Variants in MAPRE2 observed in about 807,000 individuals in gnomAD.
MAPRE2 encodes the protein microtubule-associated protein RP/EB family member 2.
Under a neutral mutation model 43.2 loss-of-function variants are expected in MAPRE2, and 13 were observed. The observed-to-expected ratio is 0.30, with a 90% CI of 0.20 to 0.48. MAPRE2 has a LOEUF of 0.48. Ranked by LOEUF, MAPRE2 falls within the 20% of genes least tolerant of loss-of-function variation. The pLI, the probability that MAPRE2 is intolerant of heterozygous loss-of-function variation, is 0.99. For missense variants in MAPRE2, 161 were observed against 400.2 expected, an observed-to-expected ratio of 0.40 and a Z score of 5.10; for synonymous variants, 135 against 148.8, an observed-to-expected ratio of 0.91 and a Z score of 0.68.
At chr18:35,067,544 G>A (rs757615453) in intron 1 of MAPRE2, among the ~76,000 whole-genome samples, 8 of 152,100 alleles carry the variant, frequency 5.3e-5, no homozygotes, top group Non-Finnish European at 7.4e-5. Flanking sequence ...AGATCTGTTT[G>A]TGTCTTTTCT....
At chr18:35,106,525 A>G (rs948475048) in intron 4 of MAPRE2, among the ~76,000 whole-genome samples, 12 of 152,128 alleles carry the variant, frequency 7.9e-5, no homozygotes, top group Non-Finnish European at 1.5e-4. Context: ...CATTGTACAG[A>G]CTACTTATAT....
intron 1 of MAPRE2, among the ~76,000 whole-genome samples, chr18:35,005,204 G>GA (rs1445006335): frequency 1.3e-5 from 2 of 151,912 alleles, no homozygotes; most frequent in Non-Finnish European, 2.9e-5. Context: ...AAAAACAAAA[G>GA]AAAAAATATT....
intron 1 of MAPRE2, among the ~76,000 whole-genome samples, chr18:34,979,291 G>C (rs541753993): frequency 6.6e-6 from 1 of 152,308 alleles, no homozygotes; most frequent in South Asian, 2.1e-4. Context: ...CTCATGTGTA[G>C]CAGTCAGTAG....
At chr18:35,033,600 A>G (rs369454204) in intron 2 of MAPRE2, among the ~76,000 whole-genome samples, 1 of 151,542 alleles carries the variant, frequency 6.6e-6, no homozygotes, top group Non-Finnish European at 1.5e-5. Context: ...ACATGATTGT[A>G]TATCTAGAAA....
At chr18:35,061,486 A>C (rs1296354198) in intron 1 of MAPRE2, among the ~76,000 whole-genome samples, 10 of 152,180 alleles carry the variant, frequency 6.6e-5, no homozygotes, top group Non-Finnish European at 1.5e-5. Flanking sequence ...GCCCGGCCGC[A>C]GGGAGGGTCT....
intron 2 of MAPRE2, among the ~76,000 whole-genome samples, chr18:35,029,841 G>A (rs909664756): frequency 2.0e-5 from 3 of 152,206 alleles, no homozygotes; most frequent in African/African-American, 7.2e-5. Flanking sequence ...ATTGGACATA[G>A]ACACGTTTTA....
At chr18:34,987,800 G>A (rs1304005734) in intron 1 of MAPRE2, among the ~76,000 whole-genome samples, 1 of 151,836 alleles carries the variant, frequency 6.6e-6, no homozygotes, top group Non-Finnish European at 1.5e-5. Flanking sequence ...ATGCTGCCAT[G>A]CCCAGCTAAT....
At chr18:34,990,752 G>T (rs915529322) in intron 1 of MAPRE2, among the ~76,000 whole-genome samples, 6 of 152,182 alleles carry the variant, frequency 3.9e-5, no homozygotes, top group African/African-American at 1.4e-4. Context: ...TGGGCATGGT[G>T]ACTCATGCCT....
At chr18:35,116,727 G>A (rs1004064722) in intron 4 of MAPRE2, among the ~76,000 whole-genome samples, 12 of 152,174 alleles carry the variant, frequency 7.9e-5, no homozygotes, top group South Asian at 2.1e-4. Flanking sequence ...GTGTTTGTCA[G>A]CAAGACAGTC....
intron 1 of MAPRE2, among the ~76,000 whole-genome samples, chr18:34,981,864 ATT>A (rs1432961000): frequency 0.01 from 769 of 74,098 alleles, 12 homozygotes; most frequent in African/African-American, 0.024. Flanking sequence ...GACTTTATTT[ATT>A]TTTTTTTTTT....
chr18:35,063,102 TTTG>T (rs1197924864), intron 1 of MAPRE2, among the ~76,000 whole-genome samples: 15 of 151,946 alleles, frequency 9.9e-5, no homozygotes, highest in South Asian at 4.2e-4. Flanking sequence ...TTTCAGAACT[TTTG>T]TTGTTGTTTT....
At chr18:35,122,877 C>T (rs536216424) in intron 4 of MAPRE2, among the ~76,000 whole-genome samples, 2 of 152,328 alleles carry the variant, frequency 1.3e-5, no homozygotes, top group African/African-American at 2.4e-5. Context: ...TTGGTGAGTC[C>T]AAGCCACACA....
At chr18:34,994,787 C>A (rs186110691) in intron 1 of MAPRE2, among the ~76,000 whole-genome samples, 1 of 152,264 alleles carries the variant, frequency 6.6e-6, no homozygotes, top group Non-Finnish European at 1.5e-5. Context: ...CTTTAAGGAG[C>A]TGTACTTTAC....
chr18:35,130,533 A>G (rs572879934), intron 5 of MAPRE2, among the ~76,000 whole-genome samples: 2 of 152,226 alleles, frequency 1.3e-5, no homozygotes, highest in South Asian at 2.1e-4. Context: ...GTAATTCCAG[A>G]TGGATAAAGC....
intron 4 of MAPRE2, among the ~76,000 whole-genome samples, chr18:35,122,832 G>A (rs1431528433): frequency 1.3e-5 from 2 of 152,252 alleles, no homozygotes; most frequent in African/African-American, 4.8e-5. Context: ...GAGCACAGAT[G>A]CCATTTTAGG....
intron 1 of MAPRE2, among the ~76,000 whole-genome samples, chr18:35,059,384 T>C (rs1906402495): frequency 6.6e-6 from 1 of 152,160 alleles, no homozygotes; most frequent in African/African-American, 2.4e-5. Context: ...AGTCTGTTCC[T>C]AGCCATCTCA....
chr18:35,125,560 A>G (rs1023372337), intron 4 of MAPRE2, among the ~76,000 whole-genome samples: 2 of 152,284 alleles, frequency 1.3e-5, no homozygotes, highest in African/African-American at 4.8e-5. Flanking sequence ...GTGGGAGCAC[A>G]GAGAAGGAAC....
intron 1 of MAPRE2, among the ~76,000 whole-genome samples, chr18:35,067,734 G>A (rs557633896): frequency 1.9e-4 from 29 of 152,176 alleles, no homozygotes; most frequent in Middle Eastern, 3.4e-3. Flanking sequence ...CCCATCAGCT[G>A]CCAAAAGTTA....
At chr18:35,030,569 G>A (rs1006857380) in intron 2 of MAPRE2, among the ~76,000 whole-genome samples, 16 of 152,136 alleles carry the variant, frequency 1.1e-4, no homozygotes, top group African/African-American at 3.9e-4. Context: ...TTTCTTGTGA[G>A]AATAAAGTAC....
Sources: allele counts gnomAD v4.1 joint callset (sites outside exome capture counted in the v4.1 genomes callset), GRCh38; gene constraint gnomAD v4.1.1; transcripts MANE v1.5; gene names NCBI Gene and HGNC (gene_info 2026-07-23, HGNC 2026-07-21).